FADS2: variants seen among roughly 807,000 people sequenced by gnomAD.
FADS2 encodes acyl-CoA 6-desaturase.
Under a neutral mutation model 61.2 loss-of-function variants are expected in FADS2, and 18 were observed. The ratio of observed to expected loss-of-function variants is 0.29; its 90% CI spans 0.20 to 0.44. The LOEUF (loss-of-function observed/expected upper bound fraction) is 0.44. Ranked by LOEUF, FADS2 falls within the 20% of genes least tolerant of loss-of-function variation. The probability of loss-of-function intolerance (pLI) is 1.00; values close to 1 mark genes in which losing one functional copy is unlikely to be tolerated. For synonymous variants in FADS2, 203 were observed against 223.9 expected (o/e 0.91, Z 0.83); for missense variants, 322 against 572.7 (o/e 0.56, Z 4.47).
chr11:61,849,638 T>G (rs1472911128), intron 5 of FADS2: 1 of 152,064 alleles, frequency 6.6e-6, no homozygotes, highest in African/African-American at 2.4e-5. Flanking sequence ...TGCCCCAAAT[T>G]TTATGCCCTT....
At chr11:61,858,878 C>T (rs988728854) in intron 7 of FADS2, among the ~76,000 whole-genome samples, 31 of 152,252 alleles carry the variant, frequency 2.0e-4, no homozygotes, top group Admixed American at 1.4e-3. Context: ...CCACTGCACC[C>T]GGCAGATAAA....
At chr11:61,846,340 C>T (rs1009185469) in intron 4 of FADS2, among the ~76,000 whole-genome samples, 3 of 151,762 alleles carry the variant, frequency 2.0e-5, no homozygotes, top group Admixed American at 1.3e-4. Flanking sequence ...TGGCCTTGAA[C>T]GCCTGACCTC....
intron 1 of FADS2, among the ~76,000 whole-genome samples, chr11:61,834,999 T>G (rs903471290): frequency 1.9e-4 from 4 of 21,392 alleles, no homozygotes; most frequent in Admixed American, 7.6e-4. Context: ...ACCCCAGCCC[T>G]CCTCCCTGCC....
rs145708790 is a variant in FADS2 at position 61,864,377 on chromosome 11, CT to C, written c.1157+602del. On this transcript the variant is annotated intron_variant, in intron 10 of 11. Transcript: ENST00000278840. ...TGCCACCATGCCCAACTAATTTTTT[CT>C]TTTTTTTTTTACTTTTATTTATTTA... is the stretch of plus-strand genomic sequence containing the variant. Among the ~76,000 whole-genome samples, 576 of 145,520 alleles carry C rather than the reference CT, an allele frequency of 4.0e-3. 11 individuals carry two copies. The highest frequency in any genetic ancestry group is 0.027 in the Admixed American group (394 of 14,592).
Position 61,864,139 on chromosome 11 carries a change from G to A in FADS2, c.1157+353G>A, listed in dbSNP as rs111322513. On this transcript the variant is annotated intron_variant, in intron 10 of 11. Transcript: ENST00000278840. ...ACGTAGCTTGCCTGGAACATCGGCC[G>A]AGGGACTGCCCTGCTGCCCCTTGTC... The A allele has an allele frequency of 7.0e-4, 175 of 250,034 alleles. 2 individuals are homozygous for A. The highest frequency in any genetic ancestry group is 2.3e-3 in the Admixed American group (45 of 19,680). 15.5% of individuals were successfully genotyped at this position (250,034 alleles called of 1,614,324 possible).
chr11:61,829,579 T>G (rs931859724), intron 1 of FADS2, among the ~76,000 whole-genome samples: 5 of 151,990 alleles, frequency 3.3e-5, no homozygotes, highest in Admixed American at 1.3e-4. Flanking sequence ...TGGTATCCCA[T>G]GGATTCGAAT....
intron 1 of FADS2, among the ~76,000 whole-genome samples, chr11:61,834,347 T>C (rs11601175): frequency 2.0e-5 from 3 of 152,238 alleles, no homozygotes; most frequent in Non-Finnish European, 4.4e-5. Context: ...GATTTGATCC[T>C]GGCTCTGCCA....
intron 7 of FADS2, among the ~76,000 whole-genome samples, chr11:61,861,365 A>AAAAAAAAAAAAAAAC (rs1555078418): frequency 2.3e-5 from 3 of 130,790 alleles, no homozygotes; most frequent in African/African-American, 5.9e-5. Flanking sequence ...AAAAAAAAAA[A>AAAAAAAAAAAAAAAC]AAAAAACAGA....
intron 10 of FADS2, chr11:61,864,056 G>A: frequency 6.5e-6 from 3 of 463,642 alleles, no homozygotes; most frequent in Non-Finnish European, 1.2e-5. Flanking sequence ...CTGGGACTTT[G>A]TAGTTATGGA....
chr11:61,833,245 T>C (rs2135956381), intron 1 of FADS2, among the ~76,000 whole-genome samples: 1 of 152,354 alleles, frequency 6.6e-6, no homozygotes, highest in East Asian at 1.9e-4. Flanking sequence ...GGAAAGTCTC[T>C]GGCTTCTCTC....
chr11:61,850,022 ACT>A (rs993176363), intron 5 of FADS2, among the ~76,000 whole-genome samples: 4 of 151,968 alleles, frequency 2.6e-5, no homozygotes, highest in Non-Finnish European at 4.4e-5. Context: ...GAAGAGGGAG[ACT>A]CTGTCTCAAA....
At chr11:61,833,070 G>A (rs2067141781) in intron 1 of FADS2, among the ~76,000 whole-genome samples, 1 of 152,214 alleles carries the variant, frequency 6.6e-6, no homozygotes, top group Non-Finnish European at 1.5e-5. Context: ...CCTGGGTGAT[G>A]GCAGAAGCAG....
chr11:61,821,326 C>G, intron 1 of FADS2: 1 of 691,198 alleles, frequency 1.4e-6, no homozygotes, highest in Non-Finnish European at 2.6e-6. Flanking sequence ...TGGAGACCAG[C>G]CTAGACAACA....
chr11:61,824,905 G>T (rs1437811652), upstream of FADS2, among the ~76,000 whole-genome samples: 1 of 152,094 alleles, frequency 6.6e-6, no homozygotes. Context: ...GAGAGAATCA[G>T]GTGTTGGCCG....
rs369691913 is a variant in FADS2, at chr11:61,863,395, C to T, written c.1077+17C>T. 5.8e-6 allele frequency: 9 copies of T among 1,563,346 alleles called. No homozygotes were observed. Among genetic ancestry groups the T allele is most frequent in the East Asian group, 4.5e-5 (2 of 44,664 alleles). On this transcript the variant is annotated intron_variant, in intron 9 of 11. Transcript: ENST00000278840. ...AGTAGCCAGGTAGGGAAGTCAGGGC[C>T]GGTCACCAGAGCCTGGTCCCAATGT... is the stretch of plus-strand genomic sequence containing the variant.
At position 61,840,265 on chromosome 11, in the gene FADS2, A is replaced by G. The variant is rs115378300; in HGVS notation, c.319-69A>G. The G allele has an allele frequency of 7.0e-4, 925 of 1,318,638 alleles. 8 individuals carry two copies. The African/African-American group carries it at 0.011, about 15-fold the overall frequency. 81.7% of individuals were successfully genotyped at this position (1,318,638 alleles called of 1,614,324 possible). A position where few individuals can be genotyped will look rare whatever the true frequency, so the allele number is the denominator to read the frequency against. ...GTTGTGCATTGGCTGTTGAAATGGC[A>G]GCTCGAGACATATGTTCCCTCCAGA... On this transcript the variant is annotated intron_variant, in intron 2 of 11. Coordinates refer to ENST00000278840, the MANE Select transcript of FADS2 (RefSeq NM_004265.4).
chr11:61,836,482 T>C (rs2067176216), intron 1 of FADS2, among the ~76,000 whole-genome samples: 1 of 152,220 alleles, frequency 6.6e-6, no homozygotes. Flanking sequence ...TCTTCCTGCC[T>C]CAGCCTCCCG....
chr11:61,850,801 T>C (rs972956412), intron 5 of FADS2, among the ~76,000 whole-genome samples: 14 of 152,180 alleles, frequency 9.2e-5, no homozygotes, highest in Non-Finnish European at 1.8e-4. Flanking sequence ...ATCTGCCAAG[T>C]GAGGCCAATT....
rs1591182600 is a variant in FADS2 at position 61,863,878 on chromosome 11, C to T, written c.1157+92C>T. The T allele has an allele frequency of 4.9e-6, 5 of 1,020,494 alleles. No individual in the cohort carries two copies. The South Asian group carries it at 5.2e-5, about 11-fold the overall frequency. The allele number at this position is 1,020,494 out of a possible 1,614,324, so 63.2% of individuals were successfully genotyped here. On this transcript the variant is annotated intron_variant, in intron 10 of 11. Coordinates refer to ENST00000278840, the MANE Select transcript of FADS2 (RefSeq NM_004265.4). ...GGCAGAATGCAGAATGTGGGGGCCA[C>T]CTCTTTGTCTCTCTGACAAGGTCTC...
Sources: gnomAD v4.1 joint callset for allele counts (sites outside exome capture counted in the v4.1 genomes callset) on GRCh38, gnomAD v4.1.1 for gene constraint, MANE v1.5 for transcripts, NCBI Gene and HGNC (gene_info 2026-07-23, HGNC 2026-07-21) for gene names.